SUMF1: variants seen among roughly 807,000 people sequenced by gnomAD.
The protein encoded by SUMF1 is formylglycine-generating enzyme.
A neutral mutation model predicts 47.6 loss-of-function variants in SUMF1; 48 were observed. The ratio of observed to expected loss-of-function variants is 1.01; its 90% CI spans 0.80 to 1.28. The LOEUF (loss-of-function observed/expected upper bound fraction) is 1.28. SUMF1 is among the 50% of genes most tolerant of loss of function. SUMF1 has a pLI of 0.00. For missense variants in SUMF1, 571 were observed against 485.4 expected (o/e 1.18, Z -1.66); for synonymous variants, 230 against 192.1 (o/e 1.20, Z -1.63).
At chr3:4,164,322 G>GGCCCTCAATGGTTAAAC (rs1166894792) in intron 8 of SUMF1, among the ~76,000 whole-genome samples, 6 of 152,126 alleles carry the variant, frequency 3.9e-5, no homozygotes, top group Non-Finnish European at 8.8e-5. Flanking sequence ...TCAATTTCCT[G>GGCCCTCAATGGTTAAAC]GCCCTCAATG....
chr3:4,299,220 T>C (rs1697915946), intron 8 of SUMF1, among the ~76,000 whole-genome samples: 1 of 152,222 alleles, frequency 6.6e-6, no homozygotes, highest in African/African-American at 2.4e-5. Flanking sequence ...ACCCTATTAA[T>C]GGGATATATT....
At chr3:4,456,723 T>C (rs1242802226) in intron 1 of SUMF1, among the ~76,000 whole-genome samples, 2 of 136,488 alleles carry the variant, frequency 1.5e-5, no homozygotes, top group Admixed American at 7.4e-5. Flanking sequence ...TATACATATA[T>C]ATACGTGTGT....
At chr3:4,369,059 T>C (rs1700085008) in intron 8 of SUMF1, among the ~76,000 whole-genome samples, 1 of 151,448 alleles carries the variant, frequency 6.6e-6, no homozygotes, top group South Asian at 2.1e-4. Flanking sequence ...TTTTTTTTTT[T>C]TTTAAATTAT....
At chr3:4,260,024 TAAAAA>T (rs11342745) in intron 8 of SUMF1, among the ~76,000 whole-genome samples, 1 of 140,964 alleles carries the variant, frequency 7.1e-6, no homozygotes, top group Non-Finnish European at 1.6e-5. Context: ...AGAAAAAGGA[TAAAAA>T]AAAAAAAAGA....
intron 9 of SUMF1, among the ~76,000 whole-genome samples, chr3:4,054,588 T>C (rs995233826): frequency 6.6e-6 from 1 of 152,124 alleles, no homozygotes; most frequent in Non-Finnish European, 1.5e-5. Flanking sequence ...CTACCCTCCA[T>C]TTATCTGTCA....
chr3:4,129,824 T>G (rs1574909082), intron 8 of SUMF1, among the ~76,000 whole-genome samples: 1 of 152,082 alleles, frequency 6.6e-6, no homozygotes, highest in East Asian at 1.9e-4. Flanking sequence ...GAGTTTTAGC[T>G]CAGGTCCAAC....
intron 7 of SUMF1, among the ~76,000 whole-genome samples, chr3:4,378,648 C>A (rs757660012): frequency 2.6e-5 from 4 of 152,178 alleles, no homozygotes; most frequent in Non-Finnish European, 5.9e-5. Flanking sequence ...CAGTTTATTA[C>A]TCTATAAGAC....
intron 8 of SUMF1, among the ~76,000 whole-genome samples, chr3:4,258,863 C>G (rs1435884305): frequency 2.9e-5 from 4 of 136,408 alleles, no homozygotes; most frequent in Non-Finnish European, 6.5e-5. Context: ...GGAACCAACC[C>G]AAATGTCCAA....
intron 8 of SUMF1, among the ~76,000 whole-genome samples, chr3:4,184,569 T>G (rs566301034): frequency 2.8e-4 from 43 of 152,190 alleles, no homozygotes; most frequent in Non-Finnish European, 5.6e-4. Flanking sequence ...TTTAATGTTT[T>G]ATGACCTCAG....
At chr3:4,190,130 GA>G (rs1310278687) in intron 8 of SUMF1, among the ~76,000 whole-genome samples, 2 of 150,000 alleles carry the variant, frequency 1.3e-5, no homozygotes, top group Non-Finnish European at 3.0e-5. Context: ...AAAAAATTAA[GA>G]AACAGTATTC....
intron 7 of SUMF1, among the ~76,000 whole-genome samples, chr3:4,384,063 A>G (rs1042556489): frequency 4.2e-5 from 6 of 142,986 alleles, no homozygotes; most frequent in Non-Finnish European, 9.7e-5. Flanking sequence ...AAATAAATGC[A>G]GTCTTTTCTA....
At chr3:4,463,941 TC>T (rs1314943231) in intron 1 of SUMF1, among the ~76,000 whole-genome samples, 2 of 152,226 alleles carry the variant, frequency 1.3e-5, no homozygotes, top group Admixed American at 6.5e-5. Flanking sequence ...CTATATTGTT[TC>T]CCAGACAATT....
chr3:4,096,703 T>C (rs1169650144), intron 8 of SUMF1, among the ~76,000 whole-genome samples: 1 of 152,052 alleles, frequency 6.6e-6, no homozygotes, highest in Non-Finnish European at 1.5e-5. Flanking sequence ...TCTGTAAAGA[T>C]AAAGCAAGAA....
intron 8 of SUMF1, among the ~76,000 whole-genome samples, chr3:4,186,403 A>G (rs768769121): frequency 4.7e-4 from 72 of 152,332 alleles, no homozygotes; most frequent in Non-Finnish European, 9.0e-4. Context: ...ACAGAGGAGT[A>G]GAGACATAAC....
intron 7 of SUMF1, among the ~76,000 whole-genome samples, chr3:4,389,458 AT>A (rs1700783816): frequency 6.6e-6 from 1 of 151,698 alleles, no homozygotes; most frequent in Non-Finnish European, 1.5e-5. Context: ...AATTACCCTC[AT>A]TGGGGTTTGC....
chr3:4,214,939 T>C (rs1207444320), intron 8 of SUMF1, among the ~76,000 whole-genome samples: 2 of 152,132 alleles, frequency 1.3e-5, no homozygotes, highest in African/African-American at 2.4e-5. Context: ...CGGGACCATA[T>C]GGATTCACAG....
chr3:4,090,832 T>C (rs1692769167), intron 8 of SUMF1, among the ~76,000 whole-genome samples: 1 of 152,130 alleles, frequency 6.6e-6, no homozygotes, highest in Non-Finnish European at 1.5e-5. Flanking sequence ...TTCACATTTA[T>C]TTCAATGCTT....
At chr3:4,368,653 C>G (rs914849710) in intron 8 of SUMF1, among the ~76,000 whole-genome samples, 1 of 152,160 alleles carries the variant, frequency 6.6e-6, no homozygotes, top group Non-Finnish European at 1.5e-5. Flanking sequence ...AAGAGTATCA[C>G]GACTCATGTC....
chr3:4,266,284 G>C (rs1031367943), intron 8 of SUMF1, among the ~76,000 whole-genome samples: 31 of 152,174 alleles, frequency 2.0e-4, no homozygotes, highest in African/African-American at 5.3e-4. Context: ...TTGGTAGCTT[G>C]ATGGGGATGG....
Sources: gnomAD v4.1 joint callset for allele counts (sites outside exome capture counted in the v4.1 genomes callset) on GRCh38, gnomAD v4.1.1 for gene constraint, MANE v1.5 for transcripts, NCBI Gene and HGNC (gene_info 2026-07-23, HGNC 2026-07-21) for gene names.